Variants in CREBBP observed in about 807,000 individuals in gnomAD.
CREBBP encodes CREB-binding protein.
Under a neutral mutation model 265.0 loss-of-function variants are expected in CREBBP, and 19 were observed. That is an observed-to-expected ratio of 0.07 (90% CI 0.05 to 0.11). The LOEUF (loss-of-function observed/expected upper bound fraction) is 0.11. CREBBP is among the 10% of genes least tolerant of loss of function. The pLI is 1.00. For missense variants in CREBBP, 2,525 were observed against 3,219.0 expected, an observed-to-expected ratio of 0.78 and a Z score of 5.22; for synonymous variants, 1,457 against 1,223.7, an observed-to-expected ratio of 1.19 and a Z score of -3.98.
intron 2 of CREBBP, among the ~76,000 whole-genome samples, chr16:3,849,456 T>TGTGTGTG (rs2054774108): frequency 8.3e-6 from 1 of 120,648 alleles, no homozygotes; most frequent in Non-Finnish European, 1.8e-5. Flanking sequence ...TGTGTGTGTG[T>TGTGTGTG]GTGTGTGTGT....
chr16:3,731,675 C>T lies in CREBBP; in HGVS notation c.4890+101G>A. 1 of 1,544,472 alleles carries T rather than the reference C, an allele frequency of 6.5e-7. No individual in the cohort carries two copies. Among genetic ancestry groups the T allele is most frequent in the Non-Finnish European group, 8.9e-7 (1 of 1,120,294 alleles). On this transcript the variant is annotated intron_variant, in intron 29 of 30. Coordinates refer to ENST00000262367, the MANE Select transcript of CREBBP (RefSeq NM_004380.3). This position sits in a 1 kb window ranked among gnomAD's most constrained non-coding sequence, Gnocchi z 7.7. ...CACTTGGTTTCCTGGGGGCCACTTC[C>T]CTCCCACCACAGACCTGCACACGGG...
rs768084504 is a variant in CREBBP, at chr16:3,850,854, T to C, written c.241A>G (p.Ser81Gly). The C allele has an allele frequency of 1.9e-6, 3 of 1,614,072 alleles. No individual in the cohort carries two copies. Among genetic ancestry groups the C allele is most frequent in the East Asian group, 2.2e-5 (1 of 44,882 alleles). Residue 81 changes from serine to glycine, a missense_variant, in exon 2 of 31, where the codon AGT (serine) becomes GGT (glycine). Around this residue, in one of 19 missense-constraint regions of CREBBP, gnomAD observed 356 missense variants for 340.4 expected, o/e 1.05. Coordinates refer to ENST00000262367, the MANE Select transcript of CREBBP (RefSeq NM_004380.3). ...SELLRGGSGSSINPGIGNVSA... is the reference protein window; with the variant it reads ...SELLRGGSGSGINPGIGNVSA... ...ACATTTCCTATTCCTGGGTTGATAC[T>C]AGAGCCGCTGCCTCCTCGTAGAAGC...
At chr16:3,734,792 C>T (rs192582632) in intron 28 of CREBBP, among the ~76,000 whole-genome samples, 4 of 152,256 alleles carry the variant, frequency 2.6e-5, no homozygotes, top group Non-Finnish European at 4.4e-5. Context: ...GTGTGTGTGG[C>T]GGAAGCGGCC....
intron 28 of CREBBP, among the ~76,000 whole-genome samples, chr16:3,732,398 T>A (rs2051940824): frequency 6.6e-6 from 1 of 152,140 alleles, no homozygotes; most frequent in Non-Finnish European, 1.5e-5. Context: ...GCAGGGACTC[T>A]GAGGCCCCTG....
chr16:3,815,530 CAAA>C (rs1031380875), intron 2 of CREBBP, among the ~76,000 whole-genome samples: 12 of 51,938 alleles, frequency 2.3e-4, no homozygotes, highest in African/African-American at 4.3e-4. Context: ...GACTCCATCT[CAAA>C]AAAAAAAAAA....
chr16:3,866,812 T>C (rs963643752), intron 1 of CREBBP, among the ~76,000 whole-genome samples: 1 of 152,212 alleles, frequency 6.6e-6, no homozygotes, highest in Admixed American at 6.5e-5. Context: ...CTAATTATCA[T>C]TTTTGCTCTC....
chr16:3,832,117 T>C (rs944091979), intron 2 of CREBBP, among the ~76,000 whole-genome samples: 6 of 152,034 alleles, frequency 3.9e-5, no homozygotes, highest in Non-Finnish European at 7.4e-5. Context: ...ATTACCAAAA[T>C]TAGCACAAGA....
At chr16:3,864,800 T>A (rs915880501) in intron 1 of CREBBP, among the ~76,000 whole-genome samples, 9 of 152,166 alleles carry the variant, frequency 5.9e-5, no homozygotes, top group African/African-American at 2.2e-4. Context: ...GGCATGGTGG[T>A]TCACACCTGT....
chr16:3,737,973 A>T (rs2052110554), intron 26 of CREBBP, among the ~76,000 whole-genome samples: 1 of 151,672 alleles, frequency 6.6e-6, no homozygotes, highest in Non-Finnish European at 1.5e-5. Context: ...TTTTTAGTAG[A>T]GACAGGGTTT....
At chr16:3,828,501 T>C (rs1024711480) in intron 2 of CREBBP, among the ~76,000 whole-genome samples, 1 of 152,176 alleles carries the variant, frequency 6.6e-6, no homozygotes, top group African/African-American at 2.4e-5. Flanking sequence ...CATACAAGGG[T>C]ATGTTTCTAA....
At chr16:3,851,648 A>G (rs2054839802) in intron 1 of CREBBP, among the ~76,000 whole-genome samples, 1 of 151,972 alleles carries the variant, frequency 6.6e-6, no homozygotes, top group Non-Finnish European at 1.5e-5. Flanking sequence ...AGGTCAGGAG[A>G]GCGAGACCAT....
At chr16:3,850,210 T>C in intron 2 of CREBBP, 87 bp downstream of exon 2, 10 of 1,338,942 alleles carry the variant, frequency 7.5e-6, no homozygotes, top group South Asian at 1.2e-5. Context: ...AAAACAGGAG[T>C]GGGCCACGTG....
At chr16:3,782,428 C>A (rs2053293091) in intron 6 of CREBBP, among the ~76,000 whole-genome samples, 1 of 152,236 alleles carries the variant, frequency 6.6e-6, no homozygotes, top group African/African-American at 2.4e-5. Flanking sequence ...ATGGCACATT[C>A]TTTATGAAAA....
At chr16:3,831,985 A>AGACTCT (rs1163389249) in intron 2 of CREBBP, among the ~76,000 whole-genome samples, 2 of 152,028 alleles carry the variant, frequency 1.3e-5, no homozygotes, top group African/African-American at 4.8e-5. Flanking sequence ...CAACGGAGTG[A>AGACTCT]GACTCTGACT....
Position 3,725,532 on chromosome 16 carries a change from C to G in CREBBP, c.*2186G>C, listed in dbSNP as rs1233355763. ...GAAGAGGACACTGGAGGTTAAGAACCCAGCAGGCCGAGCAGTGGCAGCAAT... is the reference window on the plus strand; with the variant it reads ...GAAGAGGACACTGGAGGTTAAGAACGCAGCAGGCCGAGCAGTGGCAGCAAT... On this transcript the variant is annotated 3_prime_UTR_variant, in exon 31 of 31. Transcript: ENST00000262367. The G allele has an allele frequency of 8.6e-6, 2 of 233,208 alleles. No individual in the cohort carries two copies. Among genetic ancestry groups the G allele is most frequent in the Non-Finnish European group, 1.7e-5 (2 of 118,072 alleles). The allele number at this position is 233,208 out of a possible 1,614,324, so 14.4% of individuals were successfully genotyped here.
chr16:3,769,261 G>T lies in CREBBP; in HGVS notation c.2973C>A (p.Asp991Glu), dbSNP rs142528559. The T allele has an allele frequency of 1.2e-6, 2 of 1,614,158 alleles. No homozygotes were observed. The highest frequency in any genetic ancestry group is 2.2e-5 in the South Asian group (2 of 91,076). Residue 991 changes from aspartate (D) to glutamate (E), a missense_variant, in exon 15 of 31, where the codon GAC becomes GAA. Asp to Glu is a conservative substitution (Grantham distance 45). Coordinates refer to ENST00000262367, the MANE Select transcript of CREBBP (RefSeq NM_004380.3). ...CCGTCTTCATTTCCAGCACAGGTAC[G>T]TCAGGTCCTGGCTGCTGGGAATTGG... Reference protein sequence around the residue: ...AETNSQQPGPDVPVLEMKTET... With the variant: ...AETNSQQPGPEVPVLEMKTET...
intron 1 of CREBBP, among the ~76,000 whole-genome samples, chr16:3,869,323 C>T (rs188255700): frequency 6.6e-6 from 1 of 152,312 alleles, no homozygotes; most frequent in East Asian, 1.9e-4. Context: ...ATCGCCAGGG[C>T]CTACATCACA....
chr16:3,755,924 TAGAA>T (rs1348570850), intron 19 of CREBBP, among the ~76,000 whole-genome samples: 1 of 152,182 alleles, frequency 6.6e-6, no homozygotes, highest in Non-Finnish European at 1.5e-5. Flanking sequence ...TTATTCCTAA[TAGAA>T]AAGGCTTAGG....
chr16:3,734,342 C>A (rs1475993557), intron 28 of CREBBP, among the ~76,000 whole-genome samples: 1 of 152,152 alleles, frequency 6.6e-6, no homozygotes, highest in Non-Finnish European at 1.5e-5. Context: ...ACCAAACACA[C>A]AAGGGACAGC....
Sources: gnomAD v4.1 joint callset for allele counts (sites outside exome capture counted in the v4.1 genomes callset) on GRCh38, gnomAD v4.1.1 for gene constraint, gnomAD v4.1.1 regional missense constraint, Gnocchi (gnomAD v3.1) non-coding constraint, MANE v1.5 for transcripts, NCBI Gene and HGNC (gene_info 2026-07-23, HGNC 2026-07-21) for gene names.